The following BMAL1 variants were observed in gnomAD, a reference collection of about 807,000 sequenced individuals.
The protein encoded by BMAL1 is basic helix-loop-helix ARNT-like protein 1.
At chr11:13,375,038 A>ACTC in the BMAL1 span, among the ~76,000 whole-genome samples, 1 of 150,952 alleles carries the variant, frequency 6.6e-6, no homozygotes, top group Admixed American at 6.6e-5. Context: ...CTCTTGGCAA[A>ACTC]CTCGTGTTCA....
chr11:13,356,238 C>G, the BMAL1 span: 1 of 456,114 alleles, frequency 2.2e-6, no homozygotes, highest in Non-Finnish European at 4.4e-6. Flanking sequence ...GCCTGGGGCT[C>G]TGCTCAGTAC....
chr11:13,363,164 A>ATATATG, the BMAL1 span, among the ~76,000 whole-genome samples: 1 of 124,464 alleles, frequency 8.0e-6, no homozygotes, highest in Non-Finnish European at 1.7e-5. Flanking sequence ...ATATATATAT[A>ATATATG]TATGTAAAAT....
the BMAL1 span, among the ~76,000 whole-genome samples, chr11:13,376,260 AG>A: frequency 2.0e-5 from 3 of 152,202 alleles, no homozygotes; most frequent in Non-Finnish European, 4.4e-5. Flanking sequence ...CTCTTTGGCC[AG>A]GCCTGCTCCC....
chr11:13,288,142 G>T, the BMAL1 span, among the ~76,000 whole-genome samples: 2 of 152,184 alleles, frequency 1.3e-5, no homozygotes, highest in Non-Finnish European at 2.9e-5. Context: ...GGACCAGTTT[G>T]CATTCATGGA....
chr11:13,376,895 A>G, the BMAL1 span: 2 of 609,804 alleles, frequency 3.3e-6, no homozygotes, highest in Non-Finnish European at 5.6e-6. Context: ...GGACACTGTC[A>G]TGTCACTTTC....
chr11:13,357,117 G>A, the BMAL1 span: 2 of 1,613,946 alleles, frequency 1.2e-6, no homozygotes, highest in East Asian at 4.5e-5. The surrounding 1 kb of genome is among the most constrained non-coding windows in gnomAD (Gnocchi z 4.8). Context: ...ACCTTATTTT[G>A]TCTACAAAGC....
At chr11:13,354,375 C>G in the BMAL1 span, 1 of 1,614,230 alleles carries the variant, frequency 6.2e-7, no homozygotes, top group East Asian at 2.2e-5. Flanking sequence ...CCCCACCGAC[C>G]TGCTTTCCAG....
chr11:13,306,482 C>G, the BMAL1 span, among the ~76,000 whole-genome samples: 1 of 152,180 alleles, frequency 6.6e-6, no homozygotes, highest in Non-Finnish European at 1.5e-5. Context: ...GGGGTCTAAG[C>G]GTGGCAGAGG....
chr11:13,351,121 G>C, the BMAL1 span, among the ~76,000 whole-genome samples: 1 of 152,184 alleles, frequency 6.6e-6, no homozygotes, highest in Non-Finnish European at 1.5e-5. Context: ...TTACGTAGGT[G>C]GCTGGGCTAG....
At chr11:13,280,194 C>T in the BMAL1 span, among the ~76,000 whole-genome samples, 29 of 152,360 alleles carry the variant, frequency 1.9e-4, no homozygotes, top group Non-Finnish European at 2.5e-4. Context: ...AGCAGATCAA[C>T]AGATGGTGTT....
At chr11:13,317,309 T>G in the BMAL1 span, among the ~76,000 whole-genome samples, 1 of 152,216 alleles carries the variant, frequency 6.6e-6, no homozygotes, top group African/African-American at 2.4e-5. Context: ...TGTTTTGTCT[T>G]TGAAAAAAAT....
the BMAL1 span, among the ~76,000 whole-genome samples, chr11:13,308,401 T>C: frequency 4.9e-4 from 74 of 152,214 alleles, no homozygotes; most frequent in African/African-American, 1.6e-3. Flanking sequence ...CTGAGCATTG[T>C]TAGCATGGAG....
chr11:13,386,899 A>G, the BMAL1 span: 1 of 939,402 alleles, frequency 1.1e-6, no homozygotes. Flanking sequence ...CATTGATACA[A>G]GTCAATCTTA....
the BMAL1 span, among the ~76,000 whole-genome samples, chr11:13,298,181 A>G: frequency 3.3e-5 from 5 of 152,178 alleles, no homozygotes; most frequent in African/African-American, 9.7e-5. Flanking sequence ...TATGCATTGC[A>G]CAACTTGTGC....
the BMAL1 span, among the ~76,000 whole-genome samples, chr11:13,341,450 C>T: frequency 5.3e-5 from 8 of 152,312 alleles, no homozygotes; most frequent in South Asian, 2.1e-4. Flanking sequence ...TTCTTCACTG[C>T]GTCTCGGCCT....
At chr11:13,365,414 A>G in the BMAL1 span, 4 of 1,244,056 alleles carry the variant, frequency 3.2e-6, no homozygotes, top group Non-Finnish European at 4.6e-6. Context: ...GATGCTTAGA[A>G]AGCACATCCT....
At chr11:13,335,428 G>A in the BMAL1 span, among the ~76,000 whole-genome samples, 3 of 152,196 alleles carry the variant, frequency 2.0e-5, no homozygotes, top group East Asian at 3.9e-4. Flanking sequence ...TGGGTACTTC[G>A]CGCCCCCTAT....
chr11:13,381,352 A>C, the BMAL1 span: 3 of 1,120,230 alleles, frequency 2.7e-6, no homozygotes, highest in Non-Finnish European at 4.0e-6. Context: ...GATTGCTGAA[A>C]CAATTTGGAC....
At chr11:13,365,010 G>C in the BMAL1 span, among the ~76,000 whole-genome samples, 1 of 152,114 alleles carries the variant, frequency 6.6e-6, no homozygotes, top group Non-Finnish European at 1.5e-5. Flanking sequence ...TGCTCCGAAT[G>C]TTGAGAACCA....
Sources: gnomAD v4.1 joint callset for allele counts (sites outside exome capture counted in the v4.1 genomes callset) on GRCh38, gnomAD v4.1.1 for gene constraint, Gnocchi (gnomAD v3.1) non-coding constraint, MANE v1.5 for transcripts, NCBI Gene and HGNC (gene_info 2026-07-23, HGNC 2026-07-21) for gene names.